The following STX6 variants were observed in gnomAD, a reference collection of about 807,000 sequenced individuals.
STX6 encodes the protein syntaxin 6.
A neutral mutation model predicts 38.0 loss-of-function variants in STX6; 23 were observed. The observed-to-expected ratio is 0.60, with a 90% CI of 0.43 to 0.86. The LOEUF is 0.86. Ranked by LOEUF, STX6 falls within the 40% of genes least tolerant of loss-of-function variation. The probability of loss-of-function intolerance (pLI) is 0.00; values close to 1 mark genes in which losing one functional copy is unlikely to be tolerated. For synonymous variants in STX6, 123 were observed against 107.5 expected (o/e 1.14, Z -0.89); for missense variants, 274 against 312.9 (o/e 0.88, Z 0.94).
intron 1 of STX6, among the ~76,000 whole-genome samples, chr1:181,021,961 G>C (rs1656740419): frequency 6.6e-6 from 1 of 152,206 alleles, no homozygotes; most frequent in Non-Finnish European, 1.5e-5. Flanking sequence ...AGTTTGGTTT[G>C]GCTTGTTTCA....
chr1:181,020,068 A>G (rs867707151), intron 1 of STX6, among the ~76,000 whole-genome samples: 1 of 152,126 alleles, frequency 6.6e-6, no homozygotes, highest in African/African-American at 2.4e-5. Context: ...TACAAAAATT[A>G]GCCAGGTGAG....
rs77962872 is a variant in STX6 at position 180,981,511 on chromosome 1, C to T, written c.691+3166G>A. Among the ~76,000 whole-genome samples the T allele has an allele frequency of 1.3e-3, 197 of 152,252 alleles. 6 individuals carry two copies. In the East Asian group the frequency reaches 0.034, roughly 26 times the overall value. The stretch of plus-strand genomic sequence containing the variant: ...GTTTACCCCCTTCCCTCAGGCATCT[C>T]GCTATTCTCAGCACCAGATTTCCAA... On this transcript the variant is annotated intron_variant, in intron 7 of 7. Coordinates refer to ENST00000258301, the MANE Select transcript of STX6 (RefSeq NM_005819.6).
Position 180,975,430 on chromosome 1 carries a change from G to C in STX6, c.*1140C>G, listed in dbSNP as rs1655219056. Reference sequence around the variant, plus strand: ...TTAAAGCATCTATCATTTAAATTTGGATTGGCTCAGTTATTTGACTGCAGA... The same window carrying C: ...TTAAAGCATCTATCATTTAAATTTGCATTGGCTCAGTTATTTGACTGCAGA... On this transcript the variant is annotated 3_prime_UTR_variant, in exon 8 of 8. Transcript: ENST00000258301. 1 of 152,564 alleles carries C rather than the reference G, an allele frequency of 6.6e-6. No homozygotes were observed. The highest frequency in any genetic ancestry group is 6.5e-5 in the Admixed American group (1 of 15,268). 9.5% of individuals were successfully genotyped at this position (152,564 alleles called of 1,614,324 possible).
chr1:180,998,210 G>A (rs1297311151), intron 3 of STX6, among the ~76,000 whole-genome samples: 2 of 152,110 alleles, frequency 1.3e-5, no homozygotes, highest in Admixed American at 6.5e-5. Flanking sequence ...GTATTCTAAA[G>A]TTGCAGTTTT....
chr1:180,993,983 T>C (rs1167922050), intron 3 of STX6, among the ~76,000 whole-genome samples: 1 of 152,240 alleles, frequency 6.6e-6, no homozygotes, highest in Non-Finnish European at 1.5e-5. Flanking sequence ...AGGTCACTTA[T>C]TTTATTTCTG....
In STX6 at chr1:180,988,265, G is replaced by A. The variant is rs775828034; in HGVS notation, c.570C>T (p.Ile190=). 2.0e-5 allele frequency: 32 copies of A among 1,613,914 alleles called. No individual in the cohort carries two copies. Among genetic ancestry groups the A allele is most frequent in the Admixed American group, 3.3e-5 (2 of 60,010 alleles). The change falls in exon 6 of 8, where the codon ATC becomes ATT. Residue 190 remains isoleucine (I), a synonymous_variant. Transcript: ENST00000258301. ...CTGCCTGTTCCTCCAGCTCCCCTCC[G>A]ATGCGCTGGGACATGTTCTTCAGCA... ...IGVLKNMSQR[I]GGELEEQAVM...
chr1:181,013,254 G>C (rs773523506), intron 1 of STX6, among the ~76,000 whole-genome samples: 2 of 152,092 alleles, frequency 1.3e-5, no homozygotes, highest in Non-Finnish European at 2.9e-5. Flanking sequence ...AGGGAGCTTT[G>C]TTCCCCAGTA....
intron 7 of STX6, among the ~76,000 whole-genome samples, chr1:180,978,472 T>G (rs4652545): frequency 0.56 from 85,774 of 152,008 alleles, 24,503 homozygotes; most frequent in East Asian, 0.63. Context: ...ACACTCCAGG[T>G]GGACCCAGGC....
intron 1 of STX6, among the ~76,000 whole-genome samples, chr1:181,021,685 T>A (rs1396565933): frequency 2.0e-5 from 3 of 152,222 alleles, no homozygotes; most frequent in African/African-American, 7.2e-5. Context: ...TACATCAGAA[T>A]TGATCTTCTT....
intron 1 of STX6, among the ~76,000 whole-genome samples, chr1:181,010,155 C>T (rs926002242): frequency 6.6e-6 from 1 of 152,088 alleles, no homozygotes; most frequent in Non-Finnish European, 1.5e-5. Flanking sequence ...GTGATGATTA[C>T]ACAACTATAT....
At chr1:180,987,510 G>C (rs1245504637) in intron 6 of STX6, among the ~76,000 whole-genome samples, 3 of 152,200 alleles carry the variant, frequency 2.0e-5, no homozygotes, top group African/African-American at 4.8e-5. Flanking sequence ...GCCCGGTGTA[G>C]AACACGGGCC....
chr1:181,014,077 A>T (rs187320748), intron 1 of STX6, among the ~76,000 whole-genome samples: 1 of 152,236 alleles, frequency 6.6e-6, no homozygotes, highest in Non-Finnish European at 1.5e-5. Context: ...CTCCAGTTTG[A>T]TAAAAGAATG....
intron 6 of STX6, chr1:180,987,997 C>G (rs1323429388): frequency 5.4e-6 from 2 of 368,836 alleles, no homozygotes; most frequent in African/African-American, 4.2e-5. Flanking sequence ...TCAGAGACAT[C>G]TGTGTCTGTT....
chr1:181,009,614 T>C (rs1366296783), intron 1 of STX6, among the ~76,000 whole-genome samples: 1 of 152,070 alleles, frequency 6.6e-6, no homozygotes, highest in Non-Finnish European at 1.5e-5. Flanking sequence ...ATATTTAGAA[T>C]GGATTAAAAT....
chr1:181,012,972 C>A (rs1384092811), intron 1 of STX6, among the ~76,000 whole-genome samples: 3 of 152,118 alleles, frequency 2.0e-5, no homozygotes, highest in Admixed American at 6.5e-5. Context: ...CCGCGCCCAG[C>A]CAATTCTTCC....
At chr1:181,000,027 T>C (rs1656032447) in intron 3 of STX6, among the ~76,000 whole-genome samples, 1 of 152,232 alleles carries the variant, frequency 6.6e-6, no homozygotes, top group African/African-American at 2.4e-5. Context: ...CCTCCTCTTC[T>C]ATAGGACTTT....
At position 181,005,290 on chromosome 1, in the gene STX6, A is replaced by C; in HGVS notation, c.205+4T>G. 2.5e-6 allele frequency: 4 copies of C among 1,613,168 alleles called. No homozygotes were observed. The highest frequency in any genetic ancestry group is 3.4e-6 in the Non-Finnish European group (4 of 1,179,444). Reference sequence around the variant, plus strand: ...AATGGCACAGACACCACAGAAAAGGATATTGATGGTTTCATCAAGGTCCTC... The same window carrying C: ...AATGGCACAGACACCACAGAAAAGGCTATTGATGGTTTCATCAAGGTCCTC... On this transcript the variant is annotated splice_donor_region_variant and intron_variant, in intron 2 of 7. Transcript: ENST00000258301.
chr1:181,007,455 T>C (rs908827348), intron 1 of STX6, among the ~76,000 whole-genome samples: 16 of 152,206 alleles, frequency 1.1e-4, no homozygotes, highest in African/African-American at 3.9e-4. Context: ...ATTGGTTTAT[T>C]TGTAAGTACT....
At chr1:180,983,604 C>T (rs755064784) in intron 7 of STX6, among the ~76,000 whole-genome samples, 1 of 151,660 alleles carries the variant, frequency 6.6e-6, no homozygotes, top group African/African-American at 2.4e-5. Flanking sequence ...AAAATAGATC[C>T]ACACATGCCA....
Sources: allele counts gnomAD v4.1 joint callset (sites outside exome capture counted in the v4.1 genomes callset), GRCh38; gene constraint gnomAD v4.1.1; transcripts MANE v1.5; gene names NCBI Gene and HGNC (gene_info 2026-07-23, HGNC 2026-07-21).